The following DNAJC6 variants were observed in gnomAD, a reference collection of about 807,000 sequenced individuals.
The protein encoded by DNAJC6 is auxilin.
DNAJC6 carries 34 observed loss-of-function variants against 110.0 expected under a neutral mutation model. The observed-to-expected ratio is 0.31, with a 90% confidence interval of 0.24 to 0.41. The LOEUF (loss-of-function observed/expected upper bound fraction) is 0.41. Ranked by LOEUF, DNAJC6 falls within the 10% of genes least tolerant of loss-of-function variation. The pLI, the probability that DNAJC6 is intolerant of heterozygous loss-of-function variation, is 1.00. For synonymous variants in DNAJC6, 406 were observed against 437.2 expected (o/e 0.93, Z 0.89); for missense variants, 1,031 against 1,207.8 (o/e 0.85, Z 2.17).
At position 65,309,618 on chromosome 1, in the gene DNAJC6, C is replaced by T; in HGVS notation, c.-128C>T. ...TCTCCGGTGGCCGCTCCTTCTTTTC[C>T]CTCCTCTTTGCGTCATGTCGGGCAC... On this transcript the variant is annotated 5_prime_UTR_variant, in exon 1 of 19. Coordinates refer to ENST00000371069, the MANE Select transcript of DNAJC6 (RefSeq NM_001256864.2). 2.2e-6 allele frequency: 3 copies of T among 1,372,916 alleles called. No individual in the cohort carries two copies. Among genetic ancestry groups the T allele is most frequent in the South Asian group, 3.3e-5 (2 of 61,060 alleles). The allele number at this position is 1,372,916 out of a possible 1,614,324, so 85.0% of individuals were successfully genotyped here. A position where few individuals can be genotyped will look rare whatever the true frequency, so the allele number is the denominator to read the frequency against.
rs1267933089 is a variant in DNAJC6 at position 65,393,053 on chromosome 1, C to T, written c.1903+188C>T. ...ATAGAAATATTGTCCATTTGGGTAG[C>T]ACACTAAGGTAGTGTAAGAGTGGAC... On this transcript the variant is annotated intron_variant, in intron 12 of 18. Transcript: ENST00000371069. Among the ~76,000 whole-genome samples, 3 of 152,260 alleles carry T rather than the reference C, an allele frequency of 2.0e-5. No homozygotes were observed. In the East Asian group the frequency reaches 5.8e-4, roughly 29 times the overall value.
intron 17 of DNAJC6, 77 bp from the exon 18 acceptor site, chr1:65,411,173 G>A (rs1006508184): frequency 6.8e-7 from 1 of 1,461,000 alleles, no homozygotes; most frequent in Non-Finnish European, 9.3e-7. Flanking sequence ...AGCAGAAGGG[G>A]TTTCTAGAGT....
chr1:65,383,984 T>C (rs956506642), intron 5 of DNAJC6: 24 of 415,752 alleles, frequency 5.8e-5, no homozygotes, highest in African/African-American at 3.9e-4. Context: ...GAATCAATTT[T>C]ATTCTAAGGA....
At chr1:65,289,779 C>T (rs890888014) in intron 1 of DNAJC6, among the ~76,000 whole-genome samples, 4 of 151,276 alleles carry the variant, frequency 2.6e-5, no homozygotes, top group Non-Finnish European at 5.9e-5. Flanking sequence ...GTACCAGTAC[C>T]AAACATAGGC....
At chr1:65,312,609 C>T (rs189014727) in intron 1 of DNAJC6, among the ~76,000 whole-genome samples, 8 of 152,246 alleles carry the variant, frequency 5.3e-5, no homozygotes, top group East Asian at 3.9e-4. Flanking sequence ...GTTGACATCT[C>T]GCTACATGAT....
chr1:65,288,937 T>A (rs1338491048), intron 1 of DNAJC6, among the ~76,000 whole-genome samples: 4 of 152,226 alleles, frequency 2.6e-5, no homozygotes, highest in Non-Finnish European at 2.9e-5. Flanking sequence ...TTGGGTCTGC[T>A]ATGAAAAGTA....
chr1:65,339,344 GT>G (rs1645367234), intron 1 of DNAJC6, among the ~76,000 whole-genome samples: 1 of 152,164 alleles, frequency 6.6e-6, no homozygotes, highest in African/African-American at 2.4e-5. Flanking sequence ...CCAACTCTGT[GT>G]TCTCATTCAG....
At chr1:65,389,228 A>G (rs1203380883) in intron 9 of DNAJC6, 28 bp from the exon 10 acceptor site, 1 of 1,597,230 alleles carries the variant, frequency 6.3e-7, no homozygotes, top group African/African-American at 1.3e-5. Context: ...TTTTTCACTG[A>G]ATTTATCTTT....
At chr1:65,265,321 T>A (rs370743911) in intron 1 of DNAJC6, among the ~76,000 whole-genome samples, 2 of 152,202 alleles carry the variant, frequency 1.3e-5, no homozygotes, top group Non-Finnish European at 2.9e-5. Context: ...AATTGGAATA[T>A]CTGAAATAAT....
chr1:65,328,494 A>C (rs1036354838), intron 1 of DNAJC6, among the ~76,000 whole-genome samples: 1 of 152,186 alleles, frequency 6.6e-6, no homozygotes, highest in African/African-American at 2.4e-5. Context: ...TCCACCTCAG[A>C]TTCCCCTAGT....
At chr1:65,322,319 A>AT (rs1024023465) in intron 1 of DNAJC6, among the ~76,000 whole-genome samples, 1 of 151,972 alleles carries the variant, frequency 6.6e-6, no homozygotes, top group Non-Finnish European at 1.5e-5. Flanking sequence ...ATAAAAATCC[A>AT]TTTTTTTCTA....
At chr1:65,268,646 G>C (rs1180559712) in intron 1 of DNAJC6, among the ~76,000 whole-genome samples, 1 of 152,120 alleles carries the variant, frequency 6.6e-6, no homozygotes, top group Non-Finnish European at 1.5e-5. Context: ...CATTCACATG[G>C]TAGGCAAGTA....
At chr1:65,340,962 G>A (rs1362505009) in intron 1 of DNAJC6, among the ~76,000 whole-genome samples, 1 of 152,132 alleles carries the variant, frequency 6.6e-6, no homozygotes, top group East Asian at 1.9e-4. Flanking sequence ...CTGATGCGTA[G>A]CCTGGTACCT....
At chr1:65,267,073 T>C (rs939703523) in intron 1 of DNAJC6, among the ~76,000 whole-genome samples, 1 of 152,118 alleles carries the variant, frequency 6.6e-6, no homozygotes, top group Non-Finnish European at 1.5e-5. Context: ...ATTTTTGTAT[T>C]TTTAGTAGAG....
intron 1 of DNAJC6, among the ~76,000 whole-genome samples, chr1:65,272,098 T>G (rs1443659422): frequency 1.3e-5 from 2 of 152,188 alleles, no homozygotes; most frequent in Middle Eastern, 6.3e-3. Flanking sequence ...TAATGTTGAA[T>G]AGAAGCAGTG....
chr1:65,357,723 T>C (rs941973324), intron 1 of DNAJC6, among the ~76,000 whole-genome samples: 4 of 152,208 alleles, frequency 2.6e-5, no homozygotes, highest in African/African-American at 9.6e-5. Context: ...TGGCAGCATT[T>C]GCCTGCCTCT....
chr1:65,345,634 AT>A, intron 1 of DNAJC6: 1 of 983,558 alleles, frequency 1.0e-6, no homozygotes, highest in Non-Finnish European at 1.2e-6. Flanking sequence ...TGAGTCGAGA[AT>A]TTTTGGGAAA....
At chr1:65,306,998 CTCTCTCTCTCTCTCTCTCTCTA>C (rs1314412050), upstream of DNAJC6, among the ~76,000 whole-genome samples, 4,714 of 122,806 alleles carry the variant, frequency 0.038, 163 homozygotes, top group East Asian at 0.087. Context: ...CTCTCTCTCT[CTCTCTCTCTCTCTCTCTCTCTA>C]TATATATATA....
At chr1:65,340,178 A>T (rs899898396) in intron 1 of DNAJC6, among the ~76,000 whole-genome samples, 2 of 152,202 alleles carry the variant, frequency 1.3e-5, no homozygotes, top group African/African-American at 4.8e-5. Flanking sequence ...GGGTCAGATC[A>T]TGCAGATTCC....
Sources: gnomAD v4.1 joint callset for allele counts (sites outside exome capture counted in the v4.1 genomes callset) on GRCh38, gnomAD v4.1.1 for gene constraint, MANE v1.5 for transcripts, NCBI Gene and HGNC (gene_info 2026-07-23, HGNC 2026-07-21) for gene names.